FERMT2: variants seen among roughly 807,000 people sequenced by gnomAD.
FERMT2 encodes fermitin family homolog 2.
In FERMT2, 15 loss-of-function variants were observed where a neutral mutation model predicts 82.7. The observed-to-expected ratio is 0.18, with a 90% CI of 0.12 to 0.28. FERMT2 has a LOEUF of 0.28. Among genes scored for constraint, FERMT2 ranks in the 10% least tolerant of loss-of-function variants. The pLI, the probability that FERMT2 is intolerant of heterozygous loss-of-function variation, is 1.00. For synonymous variants in FERMT2, 274 were observed against 271.5 expected (o/e 1.01, Z -0.09); for missense variants, 645 against 809.4 (o/e 0.80, Z 2.46).
chr14:52,891,231 G>A (rs941359406), intron 4 of FERMT2, among the ~76,000 whole-genome samples: 4 of 151,798 alleles, frequency 2.6e-5, no homozygotes, highest in African/African-American at 9.7e-5. Context: ...CTTTCTGCTT[G>A]GACTGCCTTT....
In FERMT2 at chr14:52,932,837, G is replaced by T. The variant is rs1375975277; in HGVS notation, c.158-13481C>A. 5.9e-5 allele frequency among the ~76,000 whole-genome samples: 9 copies of T among 152,268 alleles called. No individual in the cohort carries two copies. The East Asian group carries it at 1.7e-3, about 29-fold the overall frequency. ...AACTACTCTGTATTCTAGAGGAAAA[G>T]AATTCTCAACAGTGCAATCTACAAC... is the stretch of plus-strand genomic sequence containing the variant. On this transcript the variant is annotated intron_variant, in intron 2 of 14. Coordinates refer to ENST00000341590, the MANE Select transcript of FERMT2 (RefSeq NM_006832.3).
intron 3 of FERMT2, among the ~76,000 whole-genome samples, chr14:52,896,999 AAC>A (rs57945447): frequency 0.017 from 2,399 of 137,110 alleles, 45 homozygotes; most frequent in African/African-American, 0.042. Flanking sequence ...AAACAAATAA[AAC>A]ACACACACAC....
chr14:52,898,151 G>A (rs1051306754), intron 3 of FERMT2, among the ~76,000 whole-genome samples: 2 of 152,146 alleles, frequency 1.3e-5, no homozygotes, highest in East Asian at 3.9e-4. Flanking sequence ...TGACCACAGA[G>A]TAGGTAAATA....
chr14:52,865,197 T>C (rs1040773865), intron 10 of FERMT2, among the ~76,000 whole-genome samples: 1 of 152,180 alleles, frequency 6.6e-6, no homozygotes, highest in East Asian at 1.9e-4. Context: ...GGTGGACACC[T>C]GTAATCTCAG....
intron 8 of FERMT2, 76 bp from the exon 9 acceptor site, chr14:52,874,302 G>C: frequency 7.4e-6 from 6 of 813,128 alleles, no homozygotes; most frequent in Non-Finnish European, 1.1e-5. Context: ...CTGATATCAA[G>C]AACTAGCTTA....
At chr14:52,899,503 C>T (rs1887499411) in intron 3 of FERMT2, among the ~76,000 whole-genome samples, 1 of 152,154 alleles carries the variant, frequency 6.6e-6, no homozygotes, top group South Asian at 2.1e-4. Context: ...AGGATAGTCA[C>T]GATCTCCTGA....
At chr14:52,899,492 C>T (rs1594965326) in intron 3 of FERMT2, among the ~76,000 whole-genome samples, 1 of 152,142 alleles carries the variant, frequency 6.6e-6, no homozygotes, top group Non-Finnish European at 1.5e-5. Flanking sequence ...CCGTATTAGC[C>T]AGGATAGTCA....
At chr14:52,873,041 T>A in intron 9 of FERMT2, 118 bp from the exon 10 acceptor site, 1 of 927,198 alleles carries the variant, frequency 1.1e-6, no homozygotes, top group East Asian at 2.5e-5. Flanking sequence ...CGTGCTGAAA[T>A]TGATCCCCCT....
At chr14:52,872,460 G>A (rs1885686008) in intron 10 of FERMT2, among the ~76,000 whole-genome samples, 1 of 152,060 alleles carries the variant, frequency 6.6e-6, no homozygotes, top group South Asian at 2.1e-4. Context: ...CTTGAACCCG[G>A]GAGGCAGAAG....
intron 3 of FERMT2, among the ~76,000 whole-genome samples, chr14:52,912,444 T>G (rs1397022769): frequency 4.6e-5 from 7 of 152,072 alleles, no homozygotes; most frequent in African/African-American, 1.7e-4. Context: ...TAAGACTGTT[T>G]AGAGGAAATA....
At chr14:52,902,626 T>G (rs1349682038) in intron 3 of FERMT2, among the ~76,000 whole-genome samples, 1 of 151,656 alleles carries the variant, frequency 6.6e-6, no homozygotes, top group Non-Finnish European at 1.5e-5. Context: ...CCCAGCACTT[T>G]GGGAGGCCGA....
chr14:52,939,192 T>TAAAAAAAAAAAAA (rs34395615), intron 2 of FERMT2, among the ~76,000 whole-genome samples: 1 of 86,048 alleles, frequency 1.2e-5, no homozygotes, highest in Non-Finnish European at 2.2e-5. Flanking sequence ...CCATCTCTAC[T>TAAAAAAAAAAAAA]AAAAAAAAAA....
At chr14:52,895,314 A>C (rs1013119382) in intron 3 of FERMT2, among the ~76,000 whole-genome samples, 1 of 152,224 alleles carries the variant, frequency 6.6e-6, no homozygotes, top group African/African-American at 2.4e-5. Flanking sequence ...TTCTGTATAA[A>C]CATACATGTA....
At chr14:52,925,126 C>A (rs1472633602) in intron 2 of FERMT2, among the ~76,000 whole-genome samples, 3 of 152,320 alleles carry the variant, frequency 2.0e-5, no homozygotes, top group East Asian at 1.9e-4. Context: ...CAGACTATCA[C>A]AAGAACATAC....
At chr14:52,949,802 G>A (rs927067411) in intron 2 of FERMT2, among the ~76,000 whole-genome samples, 2 of 152,022 alleles carry the variant, frequency 1.3e-5, no homozygotes, top group African/African-American at 4.8e-5. Flanking sequence ...ATATAAAACC[G>A]AACGCTCGAA....
intron 3 of FERMT2, among the ~76,000 whole-genome samples, chr14:52,917,053 A>G (rs924241121): frequency 3.9e-5 from 6 of 152,330 alleles, no homozygotes; most frequent in South Asian, 2.1e-4. Context: ...GTTTTCATAC[A>G]TTGCTAGTTG....
intron 2 of FERMT2, among the ~76,000 whole-genome samples, chr14:52,923,549 CT>C (rs1373122779): frequency 1.3e-5 from 2 of 152,124 alleles, no homozygotes; most frequent in South Asian, 2.1e-4. Flanking sequence ...TATATCTCCC[CT>C]GATACTCATC....
At chr14:52,934,916 CCAAT>C (rs1221328045) in intron 2 of FERMT2, among the ~76,000 whole-genome samples, 3 of 152,146 alleles carry the variant, frequency 2.0e-5, no homozygotes, top group Non-Finnish European at 2.9e-5. Flanking sequence ...TGCACAGTGG[CCAAT>C]CACAGATAGA....
chr14:52,901,842 G>C (rs145633940), intron 3 of FERMT2, among the ~76,000 whole-genome samples: 2 of 152,344 alleles, frequency 1.3e-5, no homozygotes, highest in South Asian at 2.1e-4. Context: ...GGTGAGCCAC[G>C]TGTACACACC....
Sources: allele counts gnomAD v4.1 joint callset (sites outside exome capture counted in the v4.1 genomes callset), GRCh38; gene constraint gnomAD v4.1.1; transcripts MANE v1.5; gene names NCBI Gene and HGNC (gene_info 2026-07-23, HGNC 2026-07-21).